DPYD: variants seen among roughly 807,000 people sequenced by gnomAD.
DPYD encodes the protein dihydropyrimidine dehydrogenase.
Under a neutral mutation model 116.2 loss-of-function variants are expected in DPYD, and 109 were observed. The observed-to-expected ratio is 0.94, with a 90% CI of 0.80 to 1.10. The LOEUF (loss-of-function observed/expected upper bound fraction) is 1.10, where lower values mean the gene tolerates loss of function less well. DPYD is among the 50% of genes least tolerant of loss of function. The pLI is 0.00. For missense variants in DPYD, 1,302 were observed against 1,254.5 expected, an observed-to-expected ratio of 1.04 and a Z score of -0.57; for synonymous variants, 440 against 432.0, an observed-to-expected ratio of 1.02 and a Z score of -0.23.
At chr1:97,142,048 G>A (rs1362723747) in intron 20 of DPYD, among the ~76,000 whole-genome samples, 1 of 152,158 alleles carries the variant, frequency 6.6e-6, no homozygotes, top group Admixed American at 6.6e-5. Context: ...GCTGTTTGGA[G>A]TAGGATGTAC....
intron 8 of DPYD, among the ~76,000 whole-genome samples, chr1:97,608,323 C>A (rs868168235): frequency 3.3e-5 from 5 of 152,032 alleles, no homozygotes; most frequent in South Asian, 4.1e-4. Context: ...AGAAAATATT[C>A]TCTTACAATC....
chr1:97,287,586 T>C (rs953445172), intron 18 of DPYD, among the ~76,000 whole-genome samples: 1 of 152,172 alleles, frequency 6.6e-6, no homozygotes, highest in Non-Finnish European at 1.5e-5. Context: ...CTCCACCCAG[T>C]TGGAGCTTTC....
chr1:97,514,264 C>T, intron 13 of DPYD: 1 of 983,558 alleles, frequency 1.0e-6, no homozygotes, highest in Non-Finnish European at 1.2e-6. Context: ...ATGTCACCAA[C>T]AGTGTAAAGA....
At chr1:97,217,067 A>T (rs1178368470) in intron 19 of DPYD, among the ~76,000 whole-genome samples, 2 of 151,812 alleles carry the variant, frequency 1.3e-5, no homozygotes, top group Non-Finnish European at 2.9e-5. Flanking sequence ...AATTAGCTGG[A>T]CATGGTGGTG....
chr1:97,683,295 G>T (rs1357884293), intron 7 of DPYD, among the ~76,000 whole-genome samples: 1 of 151,688 alleles, frequency 6.6e-6, no homozygotes, highest in Non-Finnish European at 1.5e-5. Flanking sequence ...GAAATAATAT[G>T]ATTTTATATT....
At chr1:97,158,177 T>C (rs1004522054) in intron 20 of DPYD, among the ~76,000 whole-genome samples, 2 of 152,022 alleles carry the variant, frequency 1.3e-5, no homozygotes, top group Non-Finnish European at 2.9e-5. Context: ...CCAAGTCCAA[T>C]TCCCCAGGGC....
chr1:97,424,880 C>A (rs369058615), intron 14 of DPYD, among the ~76,000 whole-genome samples: 12 of 152,072 alleles, frequency 7.9e-5, no homozygotes, highest in African/African-American at 2.2e-4. Flanking sequence ...GTCAGCTTCT[C>A]ACATTACCTT....
intron 13 of DPYD, among the ~76,000 whole-genome samples, chr1:97,456,628 G>A (rs1676702865): frequency 6.6e-6 from 1 of 152,004 alleles, no homozygotes; most frequent in Non-Finnish European, 1.5e-5. Flanking sequence ...ACTATGTCTG[G>A]CAGGATAAAA....
At chr1:97,467,367 T>A (rs751494226) in intron 13 of DPYD, among the ~76,000 whole-genome samples, 6 of 152,222 alleles carry the variant, frequency 3.9e-5, no homozygotes, top group Non-Finnish European at 8.8e-5. Context: ...TGATTGCAAA[T>A]CAGAAAACAT....
At chr1:97,644,535 T>C (rs1658133519) in intron 8 of DPYD, among the ~76,000 whole-genome samples, 1 of 151,998 alleles carries the variant, frequency 6.6e-6, no homozygotes, top group Non-Finnish European at 1.5e-5. Flanking sequence ...TTCCAGAGAT[T>C]CTCCTGCCTC....
At chr1:97,082,839 G>A (rs1179836699) in intron 21 of DPYD, among the ~76,000 whole-genome samples, 1 of 152,108 alleles carries the variant, frequency 6.6e-6, no homozygotes, top group East Asian at 1.9e-4. Context: ...GTAATACAAA[G>A]TGACAAAGGG....
rs1426616989 is a variant in DPYD, at chr1:97,630,412, C to G, written c.851-35246G>C. On this transcript the variant is annotated intron_variant, in intron 8 of 22. Coordinates refer to ENST00000370192, the MANE Select transcript of DPYD (RefSeq NM_000110.4). ...GTTGCTCTATTTCTCCATGCCTTCTCTCTAATGCTGTTTCTAGCTCCCTCC... is the reference window on the plus strand; with the variant it reads ...GTTGCTCTATTTCTCCATGCCTTCTGTCTAATGCTGTTTCTAGCTCCCTCC... Among the ~76,000 whole-genome samples the G allele has an allele frequency of 1.6e-4, 24 of 151,994 alleles. 1 individual carries two copies.
chr1:97,436,679 C>G (rs1675490338), intron 14 of DPYD, among the ~76,000 whole-genome samples: 1 of 151,942 alleles, frequency 6.6e-6, no homozygotes, highest in Non-Finnish European at 1.5e-5. Flanking sequence ...TGACATGAAC[C>G]ACCAGCATTT....
At chr1:97,817,161 A>G (rs1043671723) in intron 3 of DPYD, among the ~76,000 whole-genome samples, 1 of 152,124 alleles carries the variant, frequency 6.6e-6, no homozygotes, top group African/African-American at 2.4e-5. Context: ...CCTTTGTACA[A>G]CATCAGCACA....
intron 3 of DPYD, among the ~76,000 whole-genome samples, chr1:97,818,448 T>A (rs1337838298): frequency 6.6e-6 from 1 of 152,074 alleles, no homozygotes; most frequent in Non-Finnish European, 1.5e-5. Context: ...ACCTTTGAAT[T>A]CTAATTCAAG....
At chr1:97,759,581 T>A (rs1312616374) in intron 3 of DPYD, among the ~76,000 whole-genome samples, 1 of 152,168 alleles carries the variant, frequency 6.6e-6, no homozygotes, top group African/African-American at 2.4e-5. Context: ...TTGTTTATTA[T>A]TGTGTAGAAA....
At chr1:97,232,801 G>A (rs1402661847) in intron 19 of DPYD, among the ~76,000 whole-genome samples, 2 of 151,938 alleles carry the variant, frequency 1.3e-5, no homozygotes, top group African/African-American at 2.4e-5. Flanking sequence ...TGTTTCATTT[G>A]TTTCAATCAT....
At chr1:97,400,701 T>C (rs576707302) in intron 14 of DPYD, among the ~76,000 whole-genome samples, 1 of 152,324 alleles carries the variant, frequency 6.6e-6, no homozygotes, top group East Asian at 1.9e-4. Context: ...ATGAGGAATT[T>C]ATCCATTTCT....
At chr1:97,401,077 C>A (rs992760055) in intron 14 of DPYD, among the ~76,000 whole-genome samples, 4 of 151,962 alleles carry the variant, frequency 2.6e-5, no homozygotes, top group African/African-American at 9.7e-5. Flanking sequence ...TGTAGAGTAC[C>A]TTTTCATATG....
Sources: allele counts gnomAD v4.1 joint callset (sites outside exome capture counted in the v4.1 genomes callset), GRCh38; gene constraint gnomAD v4.1.1; transcripts MANE v1.5; gene names NCBI Gene and HGNC (gene_info 2026-07-23, HGNC 2026-07-21).